The following SGO1 variants were observed in gnomAD, a reference collection of about 807,000 sequenced individuals.
The protein encoded by SGO1 is shugoshin 1.
A neutral mutation model predicts 50.5 loss-of-function variants in SGO1; 39 were observed. That is an observed-to-expected ratio of 0.77 (90% CI 0.60 to 1.01). The LOEUF (loss-of-function observed/expected upper bound fraction) is 1.01, where lower values mean the gene tolerates loss of function less well. SGO1 is among the 50% of genes least tolerant of loss of function. SGO1 has a pLI of 0.00. For missense variants in SGO1, 638 were observed against 606.0 expected (o/e 1.05, Z -0.55); for synonymous variants, 191 against 205.1 (o/e 0.93, Z 0.59).
chr3:20,166,532 T>TTA (rs1254739474), downstream of SGO1, among the ~76,000 whole-genome samples: 2 of 152,046 alleles, frequency 1.3e-5, no homozygotes, highest in Non-Finnish European at 2.9e-5. Flanking sequence ...AACAGTCAAA[T>TTA]TCATAGAGAT....
At chr3:20,166,304 T>C (rs1047171684), downstream of SGO1, among the ~76,000 whole-genome samples, 6 of 152,110 alleles carry the variant, frequency 3.9e-5, no homozygotes, top group Non-Finnish European at 5.9e-5. Context: ...AAACAACCTA[T>C]TGGATTTGAA....
At chr3:20,173,911 C>A (rs77568701) in intron 6 of SGO1, among the ~76,000 whole-genome samples, 9,240 of 152,234 alleles carry the variant, frequency 0.061, 725 homozygotes, top group East Asian at 0.19. Context: ...TTTGATTTCA[C>A]TTTCAAGGGG....
chr3:20,172,020 G>C (rs574673048), intron 6 of SGO1, among the ~76,000 whole-genome samples: 2 of 152,284 alleles, frequency 1.3e-5, no homozygotes, highest in African/African-American at 2.4e-5. Flanking sequence ...TGTATACTAA[G>C]AGCCATATGC....
Position 20,174,858 on chromosome 3 carries a change from T to C in SGO1, c.673A>G (p.Arg225Gly), listed in dbSNP as rs1296715594. 1.9e-6 allele frequency: 3 copies of C among 1,614,042 alleles called. No homozygotes were observed. The highest frequency in any genetic ancestry group is 4.5e-5 in the East Asian group (2 of 44,850). ...HLAGKSFEFERVGFLDPLVNM... is the reference protein window; with the variant it reads ...HLAGKSFEFEGVGFLDPLVNM... ...ACTAGTGGGTCTAAAAATCCAACTC[T>C]TTCGAATTCAAAAGACTTCCCTGCC... The change falls in exon 6 of 8, where the codon AGA becomes GGA. Residue 225 changes from arginine (R) to glycine (G), a missense_variant. Physicochemically the swap from Arg to Gly is moderately radical, Grantham distance 125 (BLOSUM62 -2). Coordinates refer to ENST00000412997, the MANE Select transcript of SGO1 (RefSeq NM_001199251.3).
chr3:20,163,866 A>G (rs763003489), intron 8 of SGO1, among the ~76,000 whole-genome samples: 1 of 152,240 alleles, frequency 6.6e-6, no homozygotes, highest in Non-Finnish European at 1.5e-5. Flanking sequence ...AAGTCCTTGT[A>G]TAACACAAAT....
chr3:20,186,517 T>C (rs11709127), upstream of SGO1: 31,570 of 152,268 alleles, frequency 0.21, 3,249 homozygotes, highest in Admixed American at 0.22. Context: ...CAGCTTCAAA[T>C]GTCCCGGGTT....
chr3:20,166,290 C>T (rs1292080359), downstream of SGO1, among the ~76,000 whole-genome samples: 1 of 151,956 alleles, frequency 6.6e-6, no homozygotes, highest in Non-Finnish European at 1.5e-5. Context: ...AACACAACAA[C>T]AAAAAACAAC....
At chr3:20,162,174 A>G (rs78242467) in intron 8 of SGO1, among the ~76,000 whole-genome samples, 3,106 of 152,360 alleles carry the variant, frequency 0.02, 50 homozygotes, top group Non-Finnish European at 0.031. Flanking sequence ...TGTTGACTGA[A>G]TACTAATCCA....
downstream of SGO1, among the ~76,000 whole-genome samples, chr3:20,166,812 C>T (rs1386457949): frequency 1.6e-5 from 2 of 127,516 alleles, no homozygotes; most frequent in Admixed American, 1.9e-4. Context: ...TAAGACTGGC[C>T]TAGGAAACAT....
At chr3:20,172,774 C>T (rs919775150) in intron 6 of SGO1, among the ~76,000 whole-genome samples, 1 of 142,570 alleles carries the variant, frequency 7.0e-6, no homozygotes, top group Non-Finnish European at 1.5e-5. Flanking sequence ...CACAGTGAGA[C>T]CTCATCTTCA....
At chr3:20,175,677 T>G (rs1374112389) in intron 5 of SGO1, among the ~76,000 whole-genome samples, 1 of 151,828 alleles carries the variant, frequency 6.6e-6, no homozygotes, top group Admixed American at 6.6e-5. Context: ...TGGGTGCCTG[T>G]AGTCCCAACT....
rs1702288421 is a variant in SGO1 at position 20,183,707 on chromosome 3, A to G, written c.240T>C (p.Asp80=). 6.2e-7 allele frequency: 1 copy of G among 1,613,380 alleles called. No individual in the cohort carries two copies. The highest frequency in any genetic ancestry group is 2.2e-5 in the East Asian group (1 of 44,808). The change falls in exon 3 of 8, where the codon GAT becomes GAC. Residue 80 remains aspartate, a synonymous_variant. Transcript: ENST00000412997. ...NEKSKVKEAQ[D]IILQLRKECY... The stretch of plus-strand genomic sequence containing the variant: ...ATTCTTTTCTCAGCTGTAGGATGAT[A>G]TCTTGGGCTTCTTTCACTTTGGATT...
chr3:20,176,536 T>TAAGC, intron 5 of SGO1, 65 bp downstream of exon 5: 1 of 953,074 alleles, frequency 1.0e-6, no homozygotes, highest in Non-Finnish European at 1.6e-6. Flanking sequence ...AATTTAATTG[T>TAAGC]ATTATTTGTT....
downstream of SGO1, chr3:20,169,233 T>G: frequency 3.0e-6 from 3 of 985,250 alleles, no homozygotes; most frequent in Middle Eastern, 5.2e-4. Flanking sequence ...TATAATTTGT[T>G]AATCATGAAC....
downstream of SGO1, chr3:20,169,210 C>T: frequency 2.0e-6 from 2 of 984,984 alleles, no homozygotes; most frequent in Non-Finnish European, 2.4e-6. Flanking sequence ...TTAGAACAGT[C>T]CCTCAATAAA....
upstream of SGO1, chr3:20,186,271 C>G (rs1474516254): frequency 2.0e-5 from 3 of 152,274 alleles, no homozygotes; most frequent in Non-Finnish European, 4.4e-5. Context: ...AGGATGCACC[C>G]AACACCACCG....
At chr3:20,164,775 TAACAGAA>T (rs144111503), downstream of SGO1, among the ~76,000 whole-genome samples, 9,239 of 151,944 alleles carry the variant, frequency 0.061, 899 homozygotes, top group African/African-American at 0.21. Flanking sequence ...AGCAGCAAAA[TAACAGAA>T]AATTAAAAAT....
In SGO1 at chr3:20,174,826, C is replaced by A; in HGVS notation, c.705G>T (p.Met235Ile). The A allele has an allele frequency of 6.2e-7, 1 of 1,614,042 alleles. No homozygotes were observed. Among genetic ancestry groups the A allele is most frequent in the African/African-American group, 1.3e-5 (1 of 75,018 alleles). Residue 235 changes from methionine (M) to isoleucine (I), a missense_variant, in exon 6 of 8, where the codon ATG becomes ATT. By Grantham distance (10) the Met-to-Ile change is conservative (BLOSUM62 1). Transcript: ENST00000412997. ...TGTGTTGTACATTTTCAGGTATGTG[C>A]ATGTTTACTAGTGGGTCTAAAAATC... ...RVGFLDPLVNMHIPENVQHNA... is the reference protein window; with the variant it reads ...RVGFLDPLVNIHIPENVQHNA...
intron 8 of SGO1, among the ~76,000 whole-genome samples, chr3:20,161,405 A>G (rs1224435045): frequency 6.6e-6 from 1 of 152,214 alleles, no homozygotes; most frequent in Admixed American, 6.5e-5. Flanking sequence ...TAGAGTGCTT[A>G]TAATTGCTAA....
Sources: gnomAD v4.1 joint callset for allele counts (sites outside exome capture counted in the v4.1 genomes callset) on GRCh38, gnomAD v4.1.1 for gene constraint, MANE v1.5 for transcripts, NCBI Gene and HGNC (gene_info 2026-07-23, HGNC 2026-07-21) for gene names.